Variants in RIMS1 observed in about 807,000 individuals in gnomAD.
RIMS1 encodes regulating synaptic membrane exocytosis protein 1.
In RIMS1, 83 loss-of-function variants were observed where a neutral mutation model predicts 214.1. The observed-to-expected ratio is 0.39, with a 90% CI of 0.32 to 0.47. The LOEUF (loss-of-function observed/expected upper bound fraction) is 0.47, where lower values mean the gene tolerates loss of function less well. Among genes scored for constraint, RIMS1 ranks in the 20% least tolerant of loss-of-function variants. RIMS1 has a pLI of 0.99. For missense variants in RIMS1, 2,050 were observed against 2,161.8 expected (o/e 0.95, Z 1.03); for synonymous variants, 793 against 786.8 (o/e 1.01, Z -0.13).
chr6:72,136,654 T>C (rs1297027539), intron 4 of RIMS1, among the ~76,000 whole-genome samples: 3 of 152,158 alleles, frequency 2.0e-5, no homozygotes, highest in African/African-American at 7.2e-5. Flanking sequence ...CACTCCAAAA[T>C]TTAGTGCAAA....
chr6:72,086,665 T>G (rs1400148494), intron 2 of RIMS1, among the ~76,000 whole-genome samples: 1 of 152,194 alleles, frequency 6.6e-6, no homozygotes, highest in Non-Finnish European at 1.5e-5. Flanking sequence ...GTTTGGAAGA[T>G]TCTACTGTGT....
chr6:72,233,667 A>G, intron 6 of RIMS1, 106 bp from the exon 7 acceptor site: 1 of 841,936 alleles, frequency 1.2e-6, no homozygotes, highest in Non-Finnish European at 2.0e-6. Context: ...GTACACGCTC[A>G]AGCTTATGAT....
At chr6:72,238,863 T>A (rs2065430544) in intron 9 of RIMS1, among the ~76,000 whole-genome samples, 1 of 152,154 alleles carries the variant, frequency 6.6e-6, no homozygotes, top group African/African-American at 2.4e-5. Flanking sequence ...TCTTAAAGAC[T>A]TTTCAGTATA....
intron 1 of RIMS1, among the ~76,000 whole-genome samples, chr6:71,899,135 G>C (rs1772795082): frequency 6.6e-6 from 1 of 151,742 alleles, no homozygotes; most frequent in African/African-American, 2.4e-5. Context: ...CATATTTGTT[G>C]GAATTTTATT....
intron 4 of RIMS1, among the ~76,000 whole-genome samples, chr6:72,151,277 C>T (rs905536794): frequency 3.9e-5 from 6 of 152,136 alleles, no homozygotes; most frequent in Admixed American, 1.3e-4. Flanking sequence ...CTCCTGACCT[C>T]GTGATCCGCC....
chr6:72,042,084 T>C (rs1431989311), intron 2 of RIMS1, among the ~76,000 whole-genome samples: 1 of 151,974 alleles, frequency 6.6e-6, no homozygotes, highest in Non-Finnish European at 1.5e-5. Context: ...TATTTCTTGG[T>C]ATCACGAAAA....
intron 2 of RIMS1, among the ~76,000 whole-genome samples, chr6:72,004,876 T>G (rs1806820407): frequency 6.6e-6 from 1 of 152,030 alleles, no homozygotes. Context: ...TTAGTTTAAT[T>G]AGATCCCATT....
intron 2 of RIMS1, among the ~76,000 whole-genome samples, chr6:71,987,818 G>C (rs1800467374): frequency 6.6e-6 from 1 of 152,160 alleles, no homozygotes; most frequent in South Asian, 2.1e-4. Flanking sequence ...AGAAAGGGCT[G>C]GGAATAGAGA....
chr6:72,224,437 T>A (rs1310289957), intron 6 of RIMS1, among the ~76,000 whole-genome samples: 1 of 152,176 alleles, frequency 6.6e-6, no homozygotes, highest in African/African-American at 2.4e-5. Context: ...AGCCAGTAAA[T>A]CTGGGAATTG....
At chr6:72,081,685 A>G (rs1833446118) in intron 2 of RIMS1, among the ~76,000 whole-genome samples, 1 of 152,096 alleles carries the variant, frequency 6.6e-6, no homozygotes, top group African/African-American at 2.4e-5. Context: ...TCTGGGTTAC[A>G]TGGGACAGAT....
chr6:72,392,884 T>C (rs1252020956), intron 31 of RIMS1, 74 bp downstream of exon 31: 3 of 1,044,240 alleles, frequency 2.9e-6, no homozygotes, highest in Non-Finnish European at 4.4e-6. Context: ...ATATTTAAAA[T>C]TGTGTAATAG....
At chr6:72,044,926 A>G (rs955492617) in intron 2 of RIMS1, among the ~76,000 whole-genome samples, 1 of 152,130 alleles carries the variant, frequency 6.6e-6, no homozygotes, top group South Asian at 2.1e-4. Flanking sequence ...AGTTTTATTC[A>G]TAATAGCCAC....
At chr6:71,990,655 C>A (rs556300915) in intron 2 of RIMS1, among the ~76,000 whole-genome samples, 3 of 151,788 alleles carry the variant, frequency 2.0e-5, no homozygotes, top group East Asian at 1.9e-4. Flanking sequence ...CCATGAGAGA[C>A]CTGGGGGCTG....
intron 23 of RIMS1, 87 bp from the exon 24 acceptor site, chr6:72,283,959 AT>A: frequency 1.9e-6 from 2 of 1,078,482 alleles, no homozygotes; most frequent in Non-Finnish European, 1.4e-6. Context: ...TATAGTTGCC[AT>A]TTTTCATGTC....
At chr6:72,131,266 C>A (rs1199687431) in intron 4 of RIMS1, among the ~76,000 whole-genome samples, 1 of 152,078 alleles carries the variant, frequency 6.6e-6, no homozygotes, top group Non-Finnish European at 1.5e-5. Flanking sequence ...GTATGATGAC[C>A]TAACAACTGT....
intron 2 of RIMS1, among the ~76,000 whole-genome samples, chr6:72,004,268 A>G (rs982412224): frequency 4.8e-4 from 73 of 151,970 alleles, no homozygotes; most frequent in African/African-American, 1.6e-3. Context: ...CCAGTCTATC[A>G]TTGTTGGACA....
At chr6:72,185,203 T>C (rs545292617) in intron 6 of RIMS1, among the ~76,000 whole-genome samples, 10 of 152,224 alleles carry the variant, frequency 6.6e-5, no homozygotes, top group African/African-American at 1.9e-4. Context: ...CATAGTACTG[T>C]ATGGACAAGA....
At chr6:72,233,630 C>A (rs2062868852) in intron 6 of RIMS1, 143 bp from the exon 7 acceptor site, 2 of 641,152 alleles carry the variant, frequency 3.1e-6, no homozygotes, top group African/African-American at 1.8e-5. Context: ...ACAACCTTTG[C>A]AACACAGGTG....
chr6:71,911,652 C>G (rs1169892818), intron 1 of RIMS1, among the ~76,000 whole-genome samples: 1 of 152,098 alleles, frequency 6.6e-6, no homozygotes, highest in Non-Finnish European at 1.5e-5. Context: ...GTTGTTCTCA[C>G]AAAATCTCAT....
Sources: gnomAD v4.1 joint callset for allele counts (sites outside exome capture counted in the v4.1 genomes callset) on GRCh38, gnomAD v4.1.1 for gene constraint, MANE v1.5 for transcripts, NCBI Gene and HGNC (gene_info 2026-07-23, HGNC 2026-07-21) for gene names.